Variants in TMEM163 observed in about 807,000 individuals in gnomAD.
TMEM163 encodes transmembrane protein 163.
A neutral mutation model predicts 29.3 loss-of-function variants in TMEM163; 17 were observed. The observed-to-expected ratio is 0.58, with a 90% CI of 0.40 to 0.87. TMEM163 has a LOEUF of 0.87. Ranked by LOEUF, TMEM163 falls within the 40% of genes least tolerant of loss-of-function variation. The probability of loss-of-function intolerance (pLI) is 0.00; values close to 1 mark genes in which losing one functional copy is unlikely to be tolerated. For missense variants in TMEM163, 303 were observed against 381.5 expected, an observed-to-expected ratio of 0.79 and a Z score of 1.71; for synonymous variants, 157 against 160.6, an observed-to-expected ratio of 0.98 and a Z score of 0.17.
At chr2:134,686,141 C>T (rs1412022085) in intron 2 of TMEM163, among the ~76,000 whole-genome samples, 7 of 152,194 alleles carry the variant, frequency 4.6e-5, no homozygotes, top group Admixed American at 4.6e-4. Context: ...TTCCCTGAAC[C>T]CAGCTGCCCT....
At chr2:134,570,689 T>G (rs940921913) in intron 2 of TMEM163, among the ~76,000 whole-genome samples, 1 of 152,148 alleles carries the variant, frequency 6.6e-6, no homozygotes, top group Non-Finnish European at 1.5e-5. Context: ...TCCCATTCCC[T>G]GGACACAGTG....
intron 2 of TMEM163, among the ~76,000 whole-genome samples, chr2:134,566,907 G>A (rs1681311750): frequency 6.6e-6 from 1 of 152,182 alleles, no homozygotes; most frequent in Non-Finnish European, 1.5e-5. Flanking sequence ...GTGTAACGCT[G>A]CAAAATGTAG....
chr2:134,590,354 C>T (rs1681911235), intron 2 of TMEM163, among the ~76,000 whole-genome samples: 1 of 152,182 alleles, frequency 6.6e-6, no homozygotes, highest in African/African-American at 2.4e-5. Context: ...TCTTCCCACT[C>T]TCAGAGACCC....
rs114949506 is a variant in TMEM163, at chr2:134,512,940, A to G, written c.459-9943T>C. Among the ~76,000 whole-genome samples the G allele has an allele frequency of 6.7e-3, 1,015 of 152,302 alleles. 11 individuals are homozygous for G. The highest frequency in any genetic ancestry group is 0.023 in the African/African-American group (967 of 41,548). ...TGAAGGTGTGACAAACAATATCATG[A>G]CTATCCAGGCCAGGTGAGGATGTGG... is the stretch of plus-strand genomic sequence containing the variant. On this transcript the variant is annotated intron_variant, in intron 4 of 7. Transcript: ENST00000281924.
At chr2:134,505,608 G>A (rs1007090070) in intron 4 of TMEM163, among the ~76,000 whole-genome samples, 3 of 152,066 alleles carry the variant, frequency 2.0e-5, no homozygotes, top group African/African-American at 7.2e-5. Flanking sequence ...TACTCTACAC[G>A]CAATTTGTCA....
intron 4 of TMEM163, among the ~76,000 whole-genome samples, chr2:134,536,929 G>A (rs866728944): frequency 6.6e-6 from 1 of 152,308 alleles, no homozygotes; most frequent in Middle Eastern, 3.4e-3. Context: ...GATGATCACA[G>A]TATCAACATA....
chr2:134,670,659 G>A (rs1185531770), intron 2 of TMEM163, among the ~76,000 whole-genome samples: 1 of 152,222 alleles, frequency 6.6e-6, no homozygotes, highest in Non-Finnish European at 1.5e-5. Context: ...ACACAGAAAG[G>A]TGCATTAATG....
chr2:134,711,789 G>A (rs1684932567), intron 2 of TMEM163, among the ~76,000 whole-genome samples: 1 of 152,066 alleles, frequency 6.6e-6, no homozygotes, highest in Non-Finnish European at 1.5e-5. Flanking sequence ...TCTCATTCAG[G>A]TCCTCATTCA....
At chr2:134,683,841 T>G (rs865774119) in intron 2 of TMEM163, among the ~76,000 whole-genome samples, 6 of 149,198 alleles carry the variant, frequency 4.0e-5, no homozygotes, top group African/African-American at 1.3e-4. Flanking sequence ...ACTTGACACG[T>G]CAACACCAAG....
At chr2:134,616,300 T>C (rs978021990) in intron 2 of TMEM163, among the ~76,000 whole-genome samples, 3 of 152,220 alleles carry the variant, frequency 2.0e-5, no homozygotes, top group African/African-American at 7.2e-5. Flanking sequence ...AGAGCCCTTC[T>C]TCACCATGGC....
intron 2 of TMEM163, among the ~76,000 whole-genome samples, chr2:134,706,109 CG>C (rs1684806788): frequency 6.6e-6 from 1 of 152,194 alleles, no homozygotes; most frequent in South Asian, 2.1e-4. Context: ...CCACTGTGAG[CG>C]GAGACTCAGG....
At chr2:134,522,865 G>A (rs1273493046) in intron 4 of TMEM163, among the ~76,000 whole-genome samples, 1 of 152,188 alleles carries the variant, frequency 6.6e-6, no homozygotes, top group African/African-American at 2.4e-5. Flanking sequence ...GGGGCGGGGG[G>A]AAAAAGATCG....
chr2:134,587,124 C>T (rs1395888060), intron 2 of TMEM163, among the ~76,000 whole-genome samples: 1 of 152,140 alleles, frequency 6.6e-6, no homozygotes, highest in Non-Finnish European at 1.5e-5. Flanking sequence ...AAAGTACCAC[C>T]CCTTGGCAGG....
intron 2 of TMEM163, among the ~76,000 whole-genome samples, chr2:134,614,818 C>T (rs991113796): frequency 6.6e-6 from 1 of 151,868 alleles, no homozygotes; most frequent in Non-Finnish European, 1.5e-5. Context: ...CACACCACTG[C>T]ACTCCAGCCT....
intron 4 of TMEM163, among the ~76,000 whole-genome samples, chr2:134,503,439 T>C (rs1354144345): frequency 1.3e-5 from 2 of 152,232 alleles, no homozygotes; most frequent in Admixed American, 6.5e-5. Flanking sequence ...CTCTTAGCCT[T>C]GATTTCCTCA....
chr2:134,565,796 C>G (rs1681288860), intron 2 of TMEM163, among the ~76,000 whole-genome samples: 2 of 152,226 alleles, frequency 1.3e-5, no homozygotes, highest in African/African-American at 4.8e-5. Context: ...TACAGCTAAT[C>G]ACAACTACAC....
chr2:134,471,357 A>G (rs974171633), intron 5 of TMEM163, among the ~76,000 whole-genome samples: 1 of 152,116 alleles, frequency 6.6e-6, no homozygotes, highest in Admixed American at 6.6e-5. Context: ...CTTATAAGAA[A>G]ACAGAAGATC....
At chr2:134,514,143 A>G (rs537863221) in intron 4 of TMEM163, among the ~76,000 whole-genome samples, 25 of 152,204 alleles carry the variant, frequency 1.6e-4, no homozygotes, top group Non-Finnish European at 3.4e-4. Context: ...GTGACAAGGT[A>G]GCATTGTAGA....
At chr2:134,602,028 C>T (rs1481305959) in intron 2 of TMEM163, among the ~76,000 whole-genome samples, 1 of 152,162 alleles carries the variant, frequency 6.6e-6, no homozygotes, top group African/African-American at 2.4e-5. Context: ...CCAAACTTGT[C>T]CTTCAAGGAG....
Sources: gnomAD v4.1 joint callset for allele counts (sites outside exome capture counted in the v4.1 genomes callset) on GRCh38, gnomAD v4.1.1 for gene constraint, MANE v1.5 for transcripts, NCBI Gene and HGNC (gene_info 2026-07-23, HGNC 2026-07-21) for gene names.